Variants in RPH3A observed in about 807,000 individuals in gnomAD.
RPH3A encodes the protein rabphilin 3A.
RPH3A carries 48 observed loss-of-function variants against 102.2 expected under a neutral mutation model. The observed-to-expected ratio is 0.47, with a 90% CI of 0.37 to 0.60. The LOEUF (loss-of-function observed/expected upper bound fraction) is 0.60, where lower values mean the gene tolerates loss of function less well. RPH3A is among the 20% of genes least tolerant of loss of function. The pLI is 0.00. For synonymous variants in RPH3A, 310 were observed against 324.3 expected, an observed-to-expected ratio of 0.96 and a Z score of 0.47; for missense variants, 781 against 910.1, an observed-to-expected ratio of 0.86 and a Z score of 1.83.
At chr12:112,847,973 G>T (rs992121642) in intron 5 of RPH3A, 131 bp downstream of exon 5, 11 of 937,198 alleles carry the variant, frequency 1.2e-5, no homozygotes, top group East Asian at 2.7e-5. Context: ...GACTTACGGG[G>T]CCACCTCCCC....
chr12:112,872,926 C>T (rs139069624), intron 10 of RPH3A, among the ~76,000 whole-genome samples: 41 of 152,326 alleles, frequency 2.7e-4, no homozygotes, highest in African/African-American at 8.4e-4. Context: ...GGTGGTGAGA[C>T]GCAGCCCTAA....
At chr12:112,866,900 G>A (rs746346561) in intron 7 of RPH3A, 60 bp downstream of exon 7, 1 of 1,353,958 alleles carries the variant, frequency 7.4e-7, no homozygotes, top group South Asian at 1.2e-5. Flanking sequence ...CAGCTTAAGA[G>A]GTGCCTTAAG....
At chr12:112,860,195 T>C (rs1213181185) in intron 5 of RPH3A, among the ~76,000 whole-genome samples, 1 of 152,236 alleles carries the variant, frequency 6.6e-6, no homozygotes, top group African/African-American at 2.4e-5. Flanking sequence ...TTCCATGTTG[T>C]GGCTCCAGCA....
intron 1 of RPH3A, among the ~76,000 whole-genome samples, chr12:112,647,257 A>C (rs1025107896): frequency 1.3e-5 from 2 of 152,026 alleles, no homozygotes; most frequent in African/African-American, 4.8e-5. Flanking sequence ...GTTGGCTAAG[A>C]ATTTGGGTTC....
intron 10 of RPH3A, among the ~76,000 whole-genome samples, chr12:112,870,950 T>A (rs1001741134): frequency 2.0e-5 from 3 of 152,224 alleles, no homozygotes; most frequent in African/African-American, 7.2e-5. Flanking sequence ...TTATCTCATT[T>A]AATGTTTGCC....
At chr12:112,814,191 A>T (rs1020386387) in intron 2 of RPH3A, among the ~76,000 whole-genome samples, 1 of 151,998 alleles carries the variant, frequency 6.6e-6, no homozygotes, top group African/African-American at 2.4e-5. Context: ...TTCCTGGCCC[A>T]TCTTAGGCCA....
chr12:112,833,346 G>T (rs1314193730), intron 3 of RPH3A, among the ~76,000 whole-genome samples: 1 of 152,200 alleles, frequency 6.6e-6, no homozygotes, highest in Non-Finnish European at 1.5e-5. Context: ...AGAGTCAGTT[G>T]TTAAACATTT....
intron 2 of RPH3A, among the ~76,000 whole-genome samples, chr12:112,799,134 C>T (rs1374213761): frequency 1.3e-5 from 2 of 152,160 alleles, no homozygotes; most frequent in African/African-American, 4.8e-5. Flanking sequence ...ACTTGTAAAT[C>T]CCTGCACTTT....
At chr12:112,891,470 G>T (rs577468971) in intron 19 of RPH3A, among the ~76,000 whole-genome samples, 6 of 152,340 alleles carry the variant, frequency 3.9e-5, no homozygotes, top group African/African-American at 1.2e-4. Context: ...TCTGTTATCT[G>T]TGTTAGTCCA....
intron 1 of RPH3A, among the ~76,000 whole-genome samples, chr12:112,722,636 GAGGCTGGGCCA>G (rs1314536113): frequency 6.6e-6 from 1 of 152,202 alleles, no homozygotes; most frequent in East Asian, 1.9e-4. Context: ...TTCTTTAAGG[GAGGCTGGGCCA>G]AATGGGAGAT....
At chr12:112,630,768 C>T (rs1338844640) in intron 1 of RPH3A, among the ~76,000 whole-genome samples, 2 of 152,114 alleles carry the variant, frequency 1.3e-5, no homozygotes, top group Admixed American at 1.3e-4. Flanking sequence ...TAATGGCTCC[C>T]TCTGGGCTGG....
Position 112,845,655 on chromosome 12 carries a change from T to C in RPH3A, c.84-2041T>C, listed in dbSNP as rs58288615. On this transcript the variant is annotated intron_variant, in intron 4 of 21. Coordinates refer to ENST00000389385, the MANE Select transcript of RPH3A (RefSeq NM_001143854.2). ...GTATAATTAGGCATTTAACATCTCCTTTGGCCACTAGGGACCAGGTCTTAT... is the reference window on the plus strand; with the variant it reads ...GTATAATTAGGCATTTAACATCTCCCTTGGCCACTAGGGACCAGGTCTTAT... Among the ~76,000 whole-genome samples the C allele has an allele frequency of 5.0e-3, 758 of 152,316 alleles. 6 individuals are homozygous for C. Among genetic ancestry groups the C allele is most frequent in the African/African-American group, 0.018 (746 of 41,564 alleles).
At chr12:112,633,982 C>T (rs940871441) in intron 1 of RPH3A, among the ~76,000 whole-genome samples, 1 of 152,184 alleles carries the variant, frequency 6.6e-6, no homozygotes, top group Non-Finnish European at 1.5e-5. Flanking sequence ...AGATGGGAAG[C>T]AAACACTATT....
At position 112,718,664 on chromosome 12, in the gene RPH3A, G is replaced by C. The variant is rs141925104; in HGVS notation, c.-139-73479G>C. On this transcript the variant is annotated intron_variant, in intron 1 of 21. Coordinates refer to the RPH3A transcript ENST00000543106. ...TCTACTGGCCATGTTGGGGCAGAAA[G>C]AAGGTGGAGACTCTTCTCTAACATT... 2.3e-3 allele frequency among the ~76,000 whole-genome samples: 356 copies of C among 152,360 alleles called. 1 individual carries two copies. The highest frequency in any genetic ancestry group is 8.1e-3 in the African/African-American group (337 of 41,580).
chr12:112,635,729 G>A (rs1171972626), intron 1 of RPH3A, among the ~76,000 whole-genome samples: 6 of 152,168 alleles, frequency 3.9e-5, no homozygotes, highest in Non-Finnish European at 8.8e-5. Context: ...ATGTAAGGAG[G>A]ACAGAGCTCC....
chr12:112,589,785 T>C (rs2039464025), intron 1 of RPH3A, among the ~76,000 whole-genome samples: 1 of 152,094 alleles, frequency 6.6e-6, no homozygotes. Flanking sequence ...TAATAAACAT[T>C]TGTGGAATGA....
intron 1 of RPH3A, among the ~76,000 whole-genome samples, chr12:112,659,049 A>C (rs758399738): frequency 4.6e-5 from 7 of 152,192 alleles, no homozygotes; most frequent in South Asian, 2.1e-4. Context: ...AATTTACAGA[A>C]AAGTTGTGAG....
intron 1 of RPH3A, among the ~76,000 whole-genome samples, chr12:112,742,091 A>T (rs1242859064): frequency 6.6e-6 from 1 of 152,146 alleles, no homozygotes; most frequent in Non-Finnish European, 1.5e-5. Flanking sequence ...AGCTAACTTT[A>T]ATTCTTTAAG....
intron 2 of RPH3A, among the ~76,000 whole-genome samples, chr12:112,824,154 G>A (rs1014318401): frequency 2.0e-5 from 3 of 152,234 alleles, no homozygotes; most frequent in African/African-American, 2.4e-5. Context: ...GAAGCTAGGC[G>A]AGGGCGTGGC....
Sources: gnomAD v4.1 joint callset for allele counts (sites outside exome capture counted in the v4.1 genomes callset) on GRCh38, gnomAD v4.1.1 for gene constraint, MANE v1.5 for transcripts, NCBI Gene and HGNC (gene_info 2026-07-23, HGNC 2026-07-21) for gene names.